Variants in DPH6 observed in about 807,000 individuals in gnomAD.
DPH6 encodes diphthine--ammonia ligase.
A neutral mutation model predicts 38.2 loss-of-function variants in DPH6; 33 were observed. That is an observed-to-expected ratio of 0.86 (90% confidence interval 0.65 to 1.15). The LOEUF (loss-of-function observed/expected upper bound fraction) is 1.15, where lower values mean the gene tolerates loss of function less well. Among genes scored for constraint, DPH6 ranks in the 50% most tolerant of loss-of-function variants. DPH6 has a pLI of 0.00. For synonymous variants in DPH6, 108 were observed against 103.0 expected (o/e 1.05, Z -0.30); for missense variants, 325 against 320.0 (o/e 1.02, Z -0.12).
At chr15:35,282,123 G>GT (rs1192763600) in intron 3 of DPH6, among the ~76,000 whole-genome samples, 5 of 152,074 alleles carry the variant, frequency 3.3e-5, no homozygotes, top group African/African-American at 9.7e-5. Flanking sequence ...CTAGTTCGTT[G>GT]TTTGTTTTTG....
intron 3 of DPH6, among the ~76,000 whole-genome samples, chr15:35,325,023 A>G (rs1239726212): frequency 1.3e-5 from 2 of 152,184 alleles, no homozygotes; most frequent in African/African-American, 2.4e-5. Context: ...AAAAATCACA[A>G]TAAGATGGAA....
At chr15:35,393,241 G>C (rs1048443971) in intron 6 of DPH6, among the ~76,000 whole-genome samples, 5 of 152,168 alleles carry the variant, frequency 3.3e-5, no homozygotes, top group African/African-American at 1.2e-4. Flanking sequence ...TGGGGATGGA[G>C]AGGAGAGAGT....
intron 3 of DPH6, chr15:35,522,021 A>G: frequency 6.5e-7 from 1 of 1,547,208 alleles, no homozygotes. Flanking sequence ...ACAGGGACAG[A>G]TCAGCATCCA....
chr15:35,195,866 G>A, the DPH6 span, among the ~76,000 whole-genome samples: 2 of 152,006 alleles, frequency 1.3e-5, no homozygotes, highest in African/African-American at 2.4e-5. Flanking sequence ...CCACCTACTG[G>A]TTGATCCTTG....
intron 3 of DPH6, among the ~76,000 whole-genome samples, chr15:35,495,425 T>C (rs555096867): frequency 6.6e-6 from 1 of 152,228 alleles, no homozygotes; most frequent in African/African-American, 2.4e-5. Flanking sequence ...TGTGAGGAAA[T>C]AAATTTGTTA....
downstream of DPH6, among the ~76,000 whole-genome samples, chr15:35,366,764 C>T (rs2052664907): frequency 6.6e-6 from 1 of 151,900 alleles, no homozygotes; most frequent in Admixed American, 6.6e-5. Flanking sequence ...ATGGCCATAA[C>T]ATCAGTTCAG....
Position 35,541,145 on chromosome 15 carries a change from G to A in DPH6, c.118+1268C>T, listed in dbSNP as rs939577610. 8.5e-5 allele frequency among the ~76,000 whole-genome samples: 13 copies of A among 152,084 alleles called. 1 individual carries two copies. Among genetic ancestry groups the A allele is most frequent in the Admixed American group, 3.9e-4 (6 of 15,268 alleles). ...CAATTGCAGCACAAAATCCAAACATGTGCATTTACCTCTGACTCTCTGTGG... is the reference window on the plus strand; with the variant it reads ...CAATTGCAGCACAAAATCCAAACATATGCATTTACCTCTGACTCTCTGTGG... On this transcript the variant is annotated intron_variant, in intron 2 of 8. Coordinates refer to ENST00000256538, the MANE Select transcript of DPH6 (RefSeq NM_080650.4).
chr15:35,355,485 T>G (rs1321197965), intron 3 of DPH6, among the ~76,000 whole-genome samples: 5 of 152,234 alleles, frequency 3.3e-5, no homozygotes, highest in Non-Finnish European at 5.9e-5. Flanking sequence ...GACCTGGTGG[T>G]GACAAAATCT....
intron 6 of DPH6, chr15:35,401,800 GGA>G (rs1247611122): frequency 3.3e-6 from 2 of 607,064 alleles, no homozygotes; most frequent in Non-Finnish European, 6.1e-6. Context: ...TAACAGGAGA[GGA>G]GAGCCAGAGA....
chr15:35,180,098 A>G, the DPH6 span, among the ~76,000 whole-genome samples: 1 of 152,136 alleles, frequency 6.6e-6, no homozygotes, highest in African/African-American at 2.4e-5. Flanking sequence ...TTAAACATTC[A>G]TTAGCTTAAA....
At chr15:35,541,271 A>G (rs984504350) in intron 2 of DPH6, among the ~76,000 whole-genome samples, 13 of 152,132 alleles carry the variant, frequency 8.5e-5, no homozygotes, top group Non-Finnish European at 1.9e-4. Context: ...GAAGATTCAA[A>G]TATCTGACTG....
At chr15:35,148,401 T>C in the DPH6 span, among the ~76,000 whole-genome samples, 1 of 152,226 alleles carries the variant, frequency 6.6e-6, no homozygotes, top group Admixed American at 6.5e-5. Flanking sequence ...AGCTTACATA[T>C]AGACTGAATA....
the DPH6 span, among the ~76,000 whole-genome samples, chr15:35,175,164 T>A: frequency 2.0e-5 from 3 of 152,218 alleles, no homozygotes. Flanking sequence ...TTTATGCTGG[T>A]AATACTGTAC....
At chr15:35,167,563 T>C in the DPH6 span, among the ~76,000 whole-genome samples, 1 of 46,326 alleles carries the variant, frequency 2.2e-5, no homozygotes, top group Non-Finnish European at 4.4e-5. Flanking sequence ...AGATTTTATG[T>C]CTTTTTTTTA....
At chr15:35,271,510 G>A (rs959681985) in intron 3 of DPH6, among the ~76,000 whole-genome samples, 2 of 152,246 alleles carry the variant, frequency 1.3e-5, no homozygotes, top group African/African-American at 4.8e-5. Flanking sequence ...AACAAGACCA[G>A]TAAGCACCAA....
At chr15:35,235,605 G>A (rs1044792944) in intron 3 of DPH6, among the ~76,000 whole-genome samples, 33 of 152,220 alleles carry the variant, frequency 2.2e-4, no homozygotes, top group African/African-American at 7.7e-4. Flanking sequence ...TTGCACTGCA[G>A]TTTCAGGCTC....
chr15:35,403,641 G>C (rs1227584071), intron 6 of DPH6, among the ~76,000 whole-genome samples: 2 of 152,094 alleles, frequency 1.3e-5, no homozygotes, highest in East Asian at 3.9e-4. Context: ...CTCCTAAGTA[G>C]CTGGGATAGG....
At chr15:35,491,726 T>C (rs10468083) in intron 3 of DPH6, among the ~76,000 whole-genome samples, 4,638 of 30,698 alleles carry the variant, frequency 0.15, 236 homozygotes, top group African/African-American at 0.19. Flanking sequence ...TGTAGATGTA[T>C]ATATCTAGAT....
At chr15:35,530,216 A>G (rs927528761) in intron 3 of DPH6, among the ~76,000 whole-genome samples, 3 of 152,230 alleles carry the variant, frequency 2.0e-5, no homozygotes, top group African/African-American at 7.2e-5. Context: ...ACTATAGGAC[A>G]GAGACTTACA....
Sources: gnomAD v4.1 joint callset for allele counts (sites outside exome capture counted in the v4.1 genomes callset) on GRCh38, gnomAD v4.1.1 for gene constraint, MANE v1.5 for transcripts, NCBI Gene and HGNC (gene_info 2026-07-23, HGNC 2026-07-21) for gene names.